DLG2: variants seen among roughly 807,000 people sequenced by gnomAD.
DLG2 encodes the protein disks large homolog 2.
In DLG2, 45 loss-of-function variants were observed where a neutral mutation model predicts 132.5. The ratio of observed to expected loss-of-function variants is 0.34; its 90% CI spans 0.27 to 0.44. The LOEUF (loss-of-function observed/expected upper bound fraction) is 0.44, where lower values mean the gene tolerates loss of function less well. Among genes scored for constraint, DLG2 ranks in the 20% least tolerant of loss-of-function variants. The pLI is 1.00. For synonymous variants in DLG2, 424 were observed against 419.6 expected, an observed-to-expected ratio of 1.01 and a Z score of -0.13; for missense variants, 1,045 against 1,196.9, an observed-to-expected ratio of 0.87 and a Z score of 1.87.
intron 9 of DLG2, among the ~76,000 whole-genome samples, chr11:84,157,845 GT>G (rs2095462421): frequency 6.6e-6 from 1 of 152,168 alleles, no homozygotes. Flanking sequence ...AGTTCACTCT[GT>G]GTGGCAAGTG....
At chr11:83,731,136 C>A (rs1478773635) in intron 18 of DLG2, among the ~76,000 whole-genome samples, 1 of 151,922 alleles carries the variant, frequency 6.6e-6, no homozygotes, top group Non-Finnish European at 1.5e-5. Context: ...TTCTTTTTTT[C>A]TTTTGTAAGT....
intron 6 of DLG2, among the ~76,000 whole-genome samples, chr11:84,573,795 T>C (rs1231347273): frequency 1.3e-5 from 2 of 152,204 alleles, no homozygotes; most frequent in African/African-American, 4.8e-5. Context: ...CCATTTCTCC[T>C]AGCATTTCTT....
At chr11:84,950,508 T>C (rs957875322) in intron 6 of DLG2, among the ~76,000 whole-genome samples, 2 of 152,202 alleles carry the variant, frequency 1.3e-5, no homozygotes, top group Non-Finnish European at 2.9e-5. Context: ...TATGCACATA[T>C]GCAGCTACAC....
intron 7 of DLG2, among the ~76,000 whole-genome samples, chr11:84,313,580 AGAAAGG>A (rs1449275510): frequency 2.1e-5 from 3 of 140,636 alleles, no homozygotes; most frequent in Non-Finnish European, 4.8e-5. Flanking sequence ...AGAGAGAGAG[AGAAAGG>A]AAGGAAGGAA....
chr11:83,710,382 G>A (rs548550192), intron 18 of DLG2, among the ~76,000 whole-genome samples: 30 of 152,152 alleles, frequency 2.0e-4, no homozygotes, highest in African/African-American at 6.5e-4. Flanking sequence ...GGTTGGTCTC[G>A]AACTTCTGAT....
chr11:84,267,789 C>T (rs1036442251), intron 7 of DLG2, among the ~76,000 whole-genome samples: 4 of 152,158 alleles, frequency 2.6e-5, no homozygotes, highest in African/African-American at 9.7e-5. Context: ...TCTGCACAAA[C>T]GTTCTCTGCT....
rs950487388 is a variant in DLG2 at position 85,154,562 on chromosome 11, C to T, written c.276G>A (p.Thr92=). 2.6e-5 allele frequency: 38 copies of T among 1,461,114 alleles called. No homozygotes were observed. Among genetic ancestry groups the T allele is most frequent in the Non-Finnish European group, 3.1e-5 (33 of 1,067,310 alleles). 90.5% of individuals were successfully genotyped at this position (1,461,114 alleles called of 1,614,324 possible). A position where few individuals can be genotyped will look rare whatever the true frequency, so the allele number is the denominator to read the frequency against. ...NQSFENETDE[T]TTQNQGRCPA... ...AAAACAGTATAACACTTACAGTTGT[C>T]GTCTCATCAGTTTCATTTTCAAAAC... Residue 92 remains threonine (T), a synonymous_variant, in exon 5 of 28, where the codon ACG becomes ACA. Coordinates refer to ENST00000376104, the MANE Select transcript of DLG2 (RefSeq NM_001142699.3).
intron 6 of DLG2, among the ~76,000 whole-genome samples, chr11:84,685,139 G>A (rs1407861095): frequency 6.6e-6 from 1 of 152,198 alleles, no homozygotes. Flanking sequence ...AGGTTACAGA[G>A]CTGGTTTGAA....
intron 3 of DLG2, among the ~76,000 whole-genome samples, chr11:85,521,763 C>A (rs1269284833): frequency 6.6e-6 from 1 of 152,158 alleles, no homozygotes; most frequent in East Asian, 1.9e-4. Flanking sequence ...AAAGTTGATT[C>A]TTGCTATCCT....
At chr11:84,331,302 G>A (rs1167339505) in intron 7 of DLG2, among the ~76,000 whole-genome samples, 1 of 151,940 alleles carries the variant, frequency 6.6e-6, no homozygotes. Context: ...TCCCATTTCT[G>A]GGGTAAAGAA....
chr11:84,941,545 T>C (rs1293338072), intron 6 of DLG2, among the ~76,000 whole-genome samples: 2 of 152,176 alleles, frequency 1.3e-5, no homozygotes, highest in East Asian at 1.9e-4. Context: ...TTTGCATATA[T>C]TGAAGCATCC....
rs1257054329 is a variant in DLG2 at position 83,932,526 on chromosome 11, G to A, written c.1341-2043C>T. Among the ~76,000 whole-genome samples, 5 of 152,102 alleles carry A rather than the reference G, an allele frequency of 3.3e-5. No individual in the cohort carries two copies. In the South Asian group the frequency reaches 6.2e-4, roughly 19 times the overall value. ...TGGGATTACAGGCGTGAGCCACCGC[G>A]CCCGGCATATCTAATGGTTTTATTA... On this transcript the variant is annotated intron_variant, in intron 14 of 27. Transcript: ENST00000376104.
chr11:84,224,013 G>T (rs543980413), intron 8 of DLG2, among the ~76,000 whole-genome samples: 1 of 152,296 alleles, frequency 6.6e-6, no homozygotes, highest in Admixed American at 6.5e-5. Flanking sequence ...AGGCCTCCAG[G>T]TTTATGGCAG....
chr11:83,508,758 C>A (rs1225271033), intron 21 of DLG2, among the ~76,000 whole-genome samples: 1 of 152,118 alleles, frequency 6.6e-6, no homozygotes, highest in African/African-American at 2.4e-5. Context: ...AAAACTGAGG[C>A]TTAGAGAGAT....
At chr11:84,887,671 C>T (rs1330145063) in intron 6 of DLG2, among the ~76,000 whole-genome samples, 1 of 152,056 alleles carries the variant, frequency 6.6e-6, no homozygotes, top group Non-Finnish European at 1.5e-5. Flanking sequence ...AATACTTTAT[C>T]AAGTACCACC....
intron 6 of DLG2, among the ~76,000 whole-genome samples, chr11:84,889,880 T>C (rs1040407567): frequency 5.3e-5 from 8 of 152,128 alleles, no homozygotes; most frequent in Admixed American, 1.3e-4. Context: ...CCAAGACACA[T>C]GGCAGATGAG....
intron 5 of DLG2, among the ~76,000 whole-genome samples, chr11:85,123,670 A>G (rs1311139341): frequency 2.6e-5 from 4 of 152,214 alleles, no homozygotes; most frequent in Non-Finnish European, 5.9e-5. Flanking sequence ...AGGTAAATAG[A>G]ATTCCAAATT....
chr11:85,499,391 C>A (rs1213253060), intron 3 of DLG2, among the ~76,000 whole-genome samples: 1 of 152,014 alleles, frequency 6.6e-6, no homozygotes, highest in Non-Finnish European at 1.5e-5. Context: ...CAGGACTAAA[C>A]CAGGAAGAAG....
chr11:84,150,728 T>A (rs945357313), intron 9 of DLG2, among the ~76,000 whole-genome samples: 1 of 152,120 alleles, frequency 6.6e-6, no homozygotes, highest in East Asian at 1.9e-4. Flanking sequence ...GTCCATGTCA[T>A]ATGTTGACTA....
Sources: allele counts gnomAD v4.1 joint callset (sites outside exome capture counted in the v4.1 genomes callset), GRCh38; gene constraint gnomAD v4.1.1; transcripts MANE v1.5; gene names NCBI Gene and HGNC (gene_info 2026-07-23, HGNC 2026-07-21).